LPP: variants seen among roughly 807,000 people sequenced by gnomAD.
LPP encodes the protein lipoma-preferred partner.
In LPP, 38 loss-of-function variants were observed where a neutral mutation model predicts 60.4. The observed-to-expected ratio is 0.63, with a 90% CI of 0.49 to 0.83. The LOEUF (loss-of-function observed/expected upper bound fraction) is 0.83. Among genes scored for constraint, LPP ranks in the 40% least tolerant of loss-of-function variants. The pLI is 0.00. For synonymous variants in LPP, 328 were observed against 290.8 expected (o/e 1.13, Z -1.30); for missense variants, 902 against 783.6 (o/e 1.15, Z -1.80).
At chr3:188,291,633 G>A (rs1039934138) in intron 2 of LPP, among the ~76,000 whole-genome samples, 54 of 124,452 alleles carry the variant, frequency 4.3e-4, no homozygotes, top group Non-Finnish European at 6.7e-4. Flanking sequence ...GCGACAGAGC[G>A]AGACTCTGTC....
chr3:188,763,465 G>A (rs1314613526), intron 9 of LPP, among the ~76,000 whole-genome samples: 3 of 152,054 alleles, frequency 2.0e-5, no homozygotes, highest in African/African-American at 4.8e-5. Flanking sequence ...CACCAGTAAT[G>A]TCTGCAGCTT....
chr3:188,708,695 T>TA, intron 8 of LPP: 1 of 455,232 alleles, frequency 2.2e-6, no homozygotes, highest in Admixed American at 3.6e-5. Flanking sequence ...CTGTCTCCAT[T>TA]AAAAATACAA....
chr3:188,773,802 C>T (rs559975327), intron 9 of LPP, among the ~76,000 whole-genome samples: 29 of 151,916 alleles, frequency 1.9e-4, no homozygotes, highest in Admixed American at 3.3e-4. Flanking sequence ...AAATGGAACG[C>T]GCTAAATGTG....
At chr3:188,343,240 C>G (rs1578210782) in intron 3 of LPP, among the ~76,000 whole-genome samples, 1 of 152,112 alleles carries the variant, frequency 6.6e-6, no homozygotes, top group African/African-American at 2.4e-5. Flanking sequence ...TCAACTCCCA[C>G]TTCTGAGTGA....
At chr3:188,161,511 C>T (rs1029943841) in intron 1 of LPP, among the ~76,000 whole-genome samples, 1 of 152,152 alleles carries the variant, frequency 6.6e-6, no homozygotes, top group Non-Finnish European at 1.5e-5. Flanking sequence ...CAGCAAGCTG[C>T]CAGCCAAGCA....
chr3:188,455,406 C>T (rs535210105), intron 4 of LPP, among the ~76,000 whole-genome samples: 13 of 152,108 alleles, frequency 8.5e-5, no homozygotes, highest in South Asian at 2.1e-4. Flanking sequence ...AAGCTGAAGC[C>T]GAGGTTTTAC....
At chr3:188,708,222 T>C in intron 7 of LPP, 45 bp from the exon 8 acceptor site, 1 of 1,604,870 alleles carries the variant, frequency 6.2e-7, no homozygotes, top group Non-Finnish European at 8.5e-7. Context: ...CCTTGGTTGA[T>C]GGTCTAGGTG....
At chr3:188,570,023 C>T (rs1580054068) in intron 6 of LPP, among the ~76,000 whole-genome samples, 1 of 145,784 alleles carries the variant, frequency 6.9e-6, no homozygotes. Context: ...AGTTTAATGG[C>T]TTTTTTTTTT....
chr3:188,586,596 AC>A (rs1837499827), intron 6 of LPP, among the ~76,000 whole-genome samples: 1 of 152,242 alleles, frequency 6.6e-6, no homozygotes, highest in Admixed American at 6.5e-5. Flanking sequence ...CACCCATTTT[AC>A]TAAAACATGC....
At chr3:188,661,021 G>C (rs1309576834) in intron 7 of LPP, among the ~76,000 whole-genome samples, 2 of 152,020 alleles carry the variant, frequency 1.3e-5, no homozygotes, top group South Asian at 4.2e-4. Flanking sequence ...CCCAACCCCG[G>C]TAACCCCTGA....
Position 188,874,860 on chromosome 3 carries a change from C to A in LPP, c.*381C>A, listed in dbSNP as rs1426245629. The A allele has an allele frequency of 4.1e-6, 1 of 243,112 alleles. No homozygotes were observed. Among genetic ancestry groups the A allele is most frequent in the African/African-American group, 2.2e-5 (1 of 45,702 alleles). 15.1% of individuals were successfully genotyped at this position (243,112 alleles called of 1,614,324 possible). ...TTTTTCCTGGGTGAGTCTGCCAACT[C>A]ACAGGTGCTTTTAGGCTTGAAATCT... On this transcript the variant is annotated 3_prime_UTR_variant, in exon 12 of 12. Coordinates refer to ENST00000617246, the MANE Select transcript of LPP (RefSeq NM_001375462.1).
At chr3:188,676,743 C>T (rs1197061046) in intron 7 of LPP, among the ~76,000 whole-genome samples, 1 of 152,142 alleles carries the variant, frequency 6.6e-6, no homozygotes, top group African/African-American at 2.4e-5. Flanking sequence ...AAGGTGCCCT[C>T]AATTATTCCC....
At chr3:188,820,669 C>T (rs1560250589) in intron 9 of LPP, among the ~76,000 whole-genome samples, 1 of 152,272 alleles carries the variant, frequency 6.6e-6, no homozygotes, top group South Asian at 2.1e-4. Flanking sequence ...GAGAAATTAA[C>T]TTCTGTGTTA....
intron 5 of LPP, among the ~76,000 whole-genome samples, chr3:188,506,021 G>A (rs1220730570): frequency 6.6e-6 from 1 of 152,024 alleles, no homozygotes; most frequent in Non-Finnish European, 1.5e-5. Context: ...AGCTTCATAT[G>A]CCAAGCCAAT....
intron 6 of LPP, among the ~76,000 whole-genome samples, chr3:188,541,668 G>A (rs1371783923): frequency 6.6e-6 from 1 of 152,092 alleles, no homozygotes; most frequent in Non-Finnish European, 1.5e-5. Context: ...AAGCTGGGAA[G>A]GGCGGATCAC....
intron 4 of LPP, among the ~76,000 whole-genome samples, chr3:188,462,542 CTTTATA>C (rs1470288369): frequency 0.014 from 877 of 64,256 alleles, 47 homozygotes; most frequent in Middle Eastern, 0.062. Context: ...TTTATATGAG[CTTTATA>C]TATATATATA....
chr3:188,636,759 C>G (rs567293035), intron 7 of LPP, among the ~76,000 whole-genome samples: 1 of 151,900 alleles, frequency 6.6e-6, no homozygotes, highest in Admixed American at 6.5e-5. Context: ...CCCTGACCCC[C>G]GAGCAGCCTA....
intron 9 of LPP, among the ~76,000 whole-genome samples, chr3:188,850,071 G>A (rs1762374254): frequency 6.6e-6 from 1 of 152,182 alleles, no homozygotes; most frequent in Admixed American, 6.6e-5. Flanking sequence ...TGATTAAACA[G>A]GCCTAGAGGT....
At chr3:188,162,228 A>T (rs73190732) in intron 1 of LPP, among the ~76,000 whole-genome samples, 2,821 of 152,312 alleles carry the variant, frequency 0.019, 34 homozygotes, top group Middle Eastern at 0.044. Flanking sequence ...AATGCAAGAG[A>T]CAAGTTGGCT....
Sources: gnomAD v4.1 joint callset for allele counts (sites outside exome capture counted in the v4.1 genomes callset) on GRCh38, gnomAD v4.1.1 for gene constraint, MANE v1.5 for transcripts, NCBI Gene and HGNC (gene_info 2026-07-23, HGNC 2026-07-21) for gene names.